CSMD2: variants seen among roughly 807,000 people sequenced by gnomAD.
CSMD2 encodes the protein CUB and sushi domain-containing protein 2.
A neutral mutation model predicts 398.5 loss-of-function variants in CSMD2; 130 were observed. The observed-to-expected ratio is 0.33, with a 90% confidence interval of 0.28 to 0.38. The LOEUF (loss-of-function observed/expected upper bound fraction) is 0.38. Ranked by LOEUF, CSMD2 falls within the 10% of genes least tolerant of loss-of-function variation. The pLI is 1.00. For missense variants in CSMD2, 3,829 were observed against 4,764.9 expected (o/e 0.80, Z 5.78); for synonymous variants, 1,828 against 1,908.5 (o/e 0.96, Z 1.10).
chr1:34,111,778 G>C (rs559296487), intron 1 of CSMD2, among the ~76,000 whole-genome samples: 1 of 152,192 alleles, frequency 6.6e-6, no homozygotes, highest in Admixed American at 6.5e-5. Flanking sequence ...TATGAAACAG[G>C]AAGGGAGGGA....
intron 3 of CSMD2, among the ~76,000 whole-genome samples, chr1:33,936,742 C>G (rs1644493321): frequency 6.6e-6 from 1 of 152,208 alleles, no homozygotes; most frequent in African/African-American, 2.4e-5. Flanking sequence ...TTCTAACTGA[C>G]CCAGCTTCCC....
chr1:34,052,369 AAGGGATATGG>A (rs1464948429), intron 2 of CSMD2, among the ~76,000 whole-genome samples: 3 of 152,052 alleles, frequency 2.0e-5, no homozygotes, highest in African/African-American at 2.4e-5. Context: ...GAGATGATTT[AAGGGATATGG>A]GAGGATATGG....
At chr1:33,941,544 A>G (rs1644674758) in intron 3 of CSMD2, among the ~76,000 whole-genome samples, 1 of 152,210 alleles carries the variant, frequency 6.6e-6, no homozygotes, top group Non-Finnish European at 1.5e-5. Flanking sequence ...ACGTGTGTCC[A>G]TATGTGTGTG....
intron 4 of CSMD2, among the ~76,000 whole-genome samples, chr1:33,932,231 A>G (rs1211453489): frequency 6.6e-6 from 1 of 152,146 alleles, no homozygotes; most frequent in Non-Finnish European, 1.5e-5. Flanking sequence ...CACTCTCCAC[A>G]GGGGCCTGAA....
intron 44 of CSMD2, chr1:33,592,337 C>G (rs1639516169): frequency 7.0e-6 from 5 of 714,222 alleles, no homozygotes; most frequent in South Asian, 1.5e-5. Flanking sequence ...AAAGTAGAAT[C>G]TCTTGGGTCC....
chr1:33,829,350 T>C (rs1352031621), intron 6 of CSMD2, among the ~76,000 whole-genome samples: 1 of 152,188 alleles, frequency 6.6e-6, no homozygotes, highest in Non-Finnish European at 1.5e-5. Flanking sequence ...CATTTTTTTT[T>C]AGATTAAATT....
At chr1:34,130,214 C>A (rs1196364859) in intron 1 of CSMD2, among the ~76,000 whole-genome samples, 2 of 151,892 alleles carry the variant, frequency 1.3e-5, no homozygotes, top group Admixed American at 1.3e-4. Flanking sequence ...AACAGTAGAT[C>A]ATATAATGAG....
intron 11 of CSMD2, 107 bp downstream of exon 11, chr1:33,792,316 G>A: frequency 2.6e-6 from 2 of 769,462 alleles, no homozygotes; most frequent in Non-Finnish European, 4.7e-6. Flanking sequence ...GCAGGATACT[G>A]TCTTTGCTGT....
At chr1:34,117,982 G>A (rs866900463) in intron 1 of CSMD2, among the ~76,000 whole-genome samples, 1 of 152,030 alleles carries the variant, frequency 6.6e-6, no homozygotes, top group African/African-American at 2.4e-5. Flanking sequence ...GGGAAGCTGA[G>A]GCAGGTGGAT....
intron 3 of CSMD2, among the ~76,000 whole-genome samples, chr1:34,007,748 A>AAT (rs1241455892): frequency 2.0e-5 from 3 of 152,294 alleles, no homozygotes; most frequent in East Asian, 1.9e-4. Flanking sequence ...AAATAGCATA[A>AAT]ATATATATAT....
At chr1:33,761,620 CTG>C (rs927264676) in intron 13 of CSMD2, among the ~76,000 whole-genome samples, 2 of 152,162 alleles carry the variant, frequency 1.3e-5, no homozygotes, top group African/African-American at 4.8e-5. Context: ...CACTCAGGGC[CTG>C]TCCTCTTCAC....
intron 15 of CSMD2, among the ~76,000 whole-genome samples, chr1:33,732,373 A>T (rs1192156749): frequency 1.3e-5 from 2 of 152,218 alleles, no homozygotes; most frequent in Non-Finnish European, 2.9e-5. Context: ...ATGTGACTGC[A>T]TTTGGAGAGA....
At chr1:33,828,118 C>T (rs544292660) in intron 6 of CSMD2, among the ~76,000 whole-genome samples, 10 of 152,320 alleles carry the variant, frequency 6.6e-5, no homozygotes, top group South Asian at 2.1e-4. Context: ...GTTATTACCA[C>T]GGAGTCATAG....
intron 6 of CSMD2, among the ~76,000 whole-genome samples, chr1:33,834,028 A>G (rs1366676835): frequency 8.2e-5 from 12 of 146,544 alleles, no homozygotes; most frequent in Non-Finnish European, 1.2e-4. Flanking sequence ...AGAACATTCC[A>G]TGCTCATGGG....
At chr1:33,766,964 T>G (rs1557862523) in intron 13 of CSMD2, among the ~76,000 whole-genome samples, 1 of 152,218 alleles carries the variant, frequency 6.6e-6, no homozygotes, top group Non-Finnish European at 1.5e-5. Flanking sequence ...TCAAGAGTCA[T>G]AAAAATACTC....
At chr1:34,086,504 C>G (rs1657905699) in intron 2 of CSMD2, among the ~76,000 whole-genome samples, 1 of 152,128 alleles carries the variant, frequency 6.6e-6, no homozygotes. Flanking sequence ...TGTTGCTGTC[C>G]CCATCTCAGG....
intron 10 of CSMD2, among the ~76,000 whole-genome samples, chr1:33,803,059 G>A (rs973487079): frequency 2.0e-5 from 3 of 152,078 alleles, no homozygotes; most frequent in African/African-American, 7.2e-5. Context: ...CAAAGCCAAT[G>A]GTCTCCTTCT....
intron 32 of CSMD2, among the ~76,000 whole-genome samples, chr1:33,631,430 A>T (rs904057238): frequency 2.0e-5 from 3 of 152,166 alleles, no homozygotes; most frequent in African/African-American, 7.2e-5. Flanking sequence ...TTATTTGCAG[A>T]TGATATTACT....
chr1:33,533,156 G>A lies in CSMD2; in HGVS notation c.10065C>T (p.Tyr3355=). Reference sequence around the variant, plus strand: ...CCTCCTGGCAGGAGTAGATGAGCGTGTAGCCCATGGAGGGCAAATCCAGGG... The same window carrying A: ...CCTCCTGGCAGGAGTAGATGAGCGTATAGCCCATGGAGGGCAAATCCAGGG... The part of the protein sequence containing the change: ...VGALDLPSMG[Y]TLIYSCQEGF... Residue 3355 remains tyrosine (Y), a synonymous_variant, in exon 64 of 71, where the codon TAC becomes TAT. Coordinates refer to ENST00000373381, the MANE Select transcript of CSMD2 (RefSeq NM_001281956.2). This position sits in a 1 kb window ranked among gnomAD's most constrained non-coding sequence, Gnocchi z 4.2. The A allele has an allele frequency of 6.2e-7, 1 of 1,614,068 alleles. No individual in the cohort carries two copies. The highest frequency in any genetic ancestry group is 1.1e-5 in the South Asian group (1 of 91,048).
Sources: gnomAD v4.1 joint callset for allele counts (sites outside exome capture counted in the v4.1 genomes callset) on GRCh38, gnomAD v4.1.1 for gene constraint, Gnocchi (gnomAD v3.1) non-coding constraint, MANE v1.5 for transcripts, NCBI Gene and HGNC (gene_info 2026-07-23, HGNC 2026-07-21) for gene names.